PCDHGA6: variants seen among roughly 807,000 people sequenced by gnomAD.
PCDHGA6 encodes the protein protocadherin gamma subfamily A, 6.
A neutral mutation model predicts 60.6 loss-of-function variants in PCDHGA6; 41 were observed. The ratio of observed to expected loss-of-function variants is 0.68; its 90% CI spans 0.53 to 0.88. The LOEUF (loss-of-function observed/expected upper bound fraction) is 0.88, where lower values mean the gene tolerates loss of function less well. Ranked by LOEUF, PCDHGA6 falls within the 40% of genes least tolerant of loss-of-function variation. The probability of loss-of-function intolerance (pLI) is 0.00; values close to 1 mark genes in which losing one functional copy is unlikely to be tolerated. For missense variants in PCDHGA6, 1,312 were observed against 1,203.0 expected, an observed-to-expected ratio of 1.09 and a Z score of -1.34; for synonymous variants, 594 against 524.4, an observed-to-expected ratio of 1.13 and a Z score of -1.81.
intron 1 of PCDHGA6, among the ~76,000 whole-genome samples, chr5:141,462,035 C>G (rs35674654): frequency 2.0e-5 from 3 of 152,076 alleles, no homozygotes; most frequent in Non-Finnish European, 4.4e-5. Context: ...GTTGGTCAGG[C>G]GGGTCTTGAA....
chr5:141,421,109 T>C (rs2096547097), intron 1 of PCDHGA6: 2 of 715,670 alleles, frequency 2.8e-6, no homozygotes, highest in East Asian at 2.8e-5. Flanking sequence ...GACTTAGAAG[T>C]ATTTTCCTTC....
chr5:141,439,012 A>G (rs968054607), intron 1 of PCDHGA6, among the ~76,000 whole-genome samples: 4 of 151,916 alleles, frequency 2.6e-5, no homozygotes, highest in South Asian at 2.1e-4. Context: ...TTTGTTTGTC[A>G]AATTTTGAAA....
In PCDHGA6 at chr5:141,485,974, A is replaced by G. The variant is rs755735500; in HGVS notation, c.2425-8833A>G. 1.9e-6 allele frequency: 3 copies of G among 1,614,108 alleles called. No homozygotes were observed. The highest frequency in any genetic ancestry group is 1.7e-5 in the Admixed American group (1 of 60,014). On this transcript the variant is annotated intron_variant, in intron 1 of 3. Coordinates refer to ENST00000517434, the MANE Select transcript of PCDHGA6 (RefSeq NM_018919.3). This position sits in a 1 kb window ranked among gnomAD's most constrained non-coding sequence, Gnocchi z 5.7. ...TGGTGCTCATCCAGCTCAATGCCTC[A>G]GACCCGGACCTGGGTCCCAGTGGTA...
At chr5:141,464,982 T>A (rs914697541) in intron 1 of PCDHGA6, among the ~76,000 whole-genome samples, 1 of 152,030 alleles carries the variant, frequency 6.6e-6, no homozygotes, top group Non-Finnish European at 1.5e-5. Context: ...CTTCAAGTGA[T>A]CCTCCCACCT....
At chr5:141,416,657 A>C (rs1194195210) in intron 1 of PCDHGA6, 6 of 152,232 alleles carry the variant, frequency 3.9e-5, no homozygotes, top group Non-Finnish European at 7.3e-5. Context: ...TGTAAAAAAG[A>C]AAAGAATATA....
At chr5:141,497,742 T>C (rs2099779149) in intron 2 of PCDHGA6, among the ~76,000 whole-genome samples, 1 of 152,128 alleles carries the variant, frequency 6.6e-6, no homozygotes, top group South Asian at 2.1e-4. Context: ...TTTCGCCACG[T>C]TGGCCAGGCT....
rs143168452 is a variant in PCDHGA6 at position 141,504,127 on chromosome 5, C to T, written c.2484-1266C>T. Among the ~76,000 whole-genome samples the T allele has an allele frequency of 1.3e-3, 195 of 152,220 alleles. 2 individuals carry two copies. The highest frequency in any genetic ancestry group is 4.4e-3 in the African/African-American group (181 of 41,520). On this transcript the variant is annotated intron_variant, in intron 2 of 3. Transcript: ENST00000517434. ...CTGTGTGTGTGCCAGGGCTGTTTCC[C>T]GCCAACACTCCCCTGCAAATTGAAA...
chr5:141,503,221 C>T (rs528636727), intron 2 of PCDHGA6, among the ~76,000 whole-genome samples: 34 of 152,074 alleles, frequency 2.2e-4, no homozygotes, highest in Middle Eastern at 6.8e-3. Flanking sequence ...CCATGAGCAC[C>T]GTAAAGATGG....
intron 1 of PCDHGA6, chr5:141,419,413 C>A (rs568417008): frequency 6.2e-7 from 1 of 1,613,444 alleles, no homozygotes; most frequent in South Asian, 1.1e-5. Flanking sequence ...TCGCGCAGCG[C>A]GCCTTCGACC....
Position 141,489,680 on chromosome 5 carries a change from C to T in PCDHGA6, c.2425-5127C>T, listed in dbSNP as rs758765306. On this transcript the variant is annotated intron_variant, in intron 1 of 3. Coordinates refer to ENST00000517434, the MANE Select transcript of PCDHGA6 (RefSeq NM_018919.3). This position sits in a 1 kb window ranked among gnomAD's most constrained non-coding sequence, Gnocchi z 4.5. ...GAGATGCGCATCTCAGAATCAGCAG[C>T]ATCTGGGGCACGATTCCCACTGGAC... 2 of 1,614,070 alleles carry T rather than the reference C, an allele frequency of 1.2e-6. No individual in the cohort carries two copies. The highest frequency in any genetic ancestry group is 2.2e-5 in the East Asian group (1 of 44,886).
intron 2 of PCDHGA6, among the ~76,000 whole-genome samples, chr5:141,496,352 G>A (rs2099768243): frequency 2.0e-5 from 3 of 152,200 alleles, no homozygotes; most frequent in South Asian, 2.1e-4. Context: ...GAGTCTCAGA[G>A]CCCAGGGAGA....
At chr5:141,447,209 G>A (rs1004956165) in intron 1 of PCDHGA6, among the ~76,000 whole-genome samples, 3 of 151,850 alleles carry the variant, frequency 2.0e-5, no homozygotes, top group East Asian at 3.9e-4. Context: ...GCTTGATCTC[G>A]GCTCACTGCA....
intron 1 of PCDHGA6, among the ~76,000 whole-genome samples, chr5:141,438,678 G>C (rs2098050264): frequency 7.1e-6 from 1 of 140,560 alleles, no homozygotes; most frequent in African/African-American, 2.6e-5. Context: ...ATTTGGAGTA[G>C]GGGATGGAGT....
rs1414210927 is a variant in PCDHGA6, at chr5:141,477,460, C to G, written c.2425-17347C>G. 1.9e-6 allele frequency: 3 copies of G among 1,614,014 alleles called. No homozygotes were observed. The highest frequency in any genetic ancestry group is 2.5e-6 in the Non-Finnish European group (3 of 1,180,028). On this transcript the variant is annotated intron_variant, in intron 1 of 3. Transcript: ENST00000517434. The surrounding 1 kb of genome is among the most constrained non-coding windows in gnomAD (Gnocchi z 4.9). ...TTACAATAGTGCGTGTTCAAGTGTC[C>G]GACATCAATGACAACCCTCCACAAT...
Position 141,486,230 on chromosome 5 carries a change from A to C in PCDHGA6, c.2425-8577A>C. On this transcript the variant is annotated intron_variant, in intron 1 of 3. Coordinates refer to ENST00000517434, the MANE Select transcript of PCDHGA6 (RefSeq NM_018919.3). The surrounding 1 kb of genome is among the most constrained non-coding windows in gnomAD (Gnocchi z 5.0). ...TGACAATGCCCCTTACATCACAGTGACCTCAGAGCTTGGAACCCTCCCCGA... is the reference window on the plus strand; with the variant it reads ...TGACAATGCCCCTTACATCACAGTGCCCTCAGAGCTTGGAACCCTCCCCGA... The C allele has an allele frequency of 6.2e-7, 1 of 1,614,016 alleles. No individual in the cohort carries two copies. Among genetic ancestry groups the C allele is most frequent in the Non-Finnish European group, 8.5e-7 (1 of 1,179,964 alleles).
At chr5:141,463,176 C>T (rs989201395) in intron 1 of PCDHGA6, among the ~76,000 whole-genome samples, 2 of 152,100 alleles carry the variant, frequency 1.3e-5, no homozygotes, top group African/African-American at 4.8e-5. Context: ...TATGTATGCT[C>T]AGATTATTAT....
intron 1 of PCDHGA6, chr5:141,414,754 G>A: frequency 6.2e-7 from 1 of 1,614,190 alleles, no homozygotes; most frequent in Non-Finnish European, 8.5e-7. Flanking sequence ...CTTCGACTAT[G>A]AGCAGTTTCA....
Position 141,374,841 on chromosome 5 carries a change from A to T in PCDHGA6, c.758A>T (p.Glu253Val), listed in dbSNP as rs1770885287. 8 of 1,613,862 alleles carry T rather than the reference A, an allele frequency of 5.0e-6. No individual in the cohort carries two copies. The East Asian group carries it at 1.8e-4, about 36-fold the overall frequency. ...CCTGTCTACCGTGTAAGTGTTCCTGAAAACCTGCCAGTAGGCACACCAGTG... is the reference window on the plus strand; with the variant it reads ...CCTGTCTACCGTGTAAGTGTTCCTGTAAACCTGCCAGTAGGCACACCAGTG... ...TQPVYRVSVP[E>V]NLPVGTPVLA... The change falls in exon 1 of 4, where the codon GAA (glutamate) becomes GTA (valine). Residue 253 changes from glutamate to valine, a missense_variant. Glu to Val is a moderately radical substitution (Grantham distance 121). Coordinates refer to ENST00000517434, the MANE Select transcript of PCDHGA6 (RefSeq NM_018919.3).
intron 2 of PCDHGA6, among the ~76,000 whole-genome samples, chr5:141,502,989 G>A (rs140974023): frequency 0.024 from 3,652 of 150,590 alleles, 56 homozygotes; most frequent in East Asian, 0.043. Context: ...GATTACAGGC[G>A]TGTGCCACCA....
Sources: gnomAD v4.1 joint callset for allele counts (sites outside exome capture counted in the v4.1 genomes callset) on GRCh38, gnomAD v4.1.1 for gene constraint, Gnocchi (gnomAD v3.1) non-coding constraint, MANE v1.5 for transcripts, NCBI Gene and HGNC (gene_info 2026-07-23, HGNC 2026-07-21) for gene names.